The following GPC3 variants were observed in gnomAD, a reference collection of about 807,000 sequenced individuals.
The protein encoded by GPC3 is glypican 3, also known as glypican-3.
Under a neutral mutation model 34.4 loss-of-function variants are expected in GPC3, and 3 were observed. The observed-to-expected ratio is 0.09, with a 90% CI of 0.04 to 0.23. The LOEUF (loss-of-function observed/expected upper bound fraction) is 0.23. Ranked by LOEUF, GPC3 falls within the 10% of genes least tolerant of loss-of-function variation. GPC3 has a pLI of 1.00. For synonymous variants in GPC3, 177 were observed against 174.0 expected, an observed-to-expected ratio of 1.02 and a Z score of -0.13; for missense variants, 351 against 445.6, an observed-to-expected ratio of 0.79 and a Z score of 1.91.
intron 2 of GPC3, among the ~76,000 whole-genome samples, chrX:133,864,959 T>C (rs777631445): frequency 9.8e-5 from 11 of 112,676 alleles, no homozygotes; most frequent in African/African-American, 3.5e-4. Context: ...CCCTGTTCTT[T>C]CTTGCTGAAT....
At chrX:133,587,163 A>G (rs1165136976) in intron 7 of GPC3, among the ~76,000 whole-genome samples, 1 of 111,877 alleles carries the variant, frequency 8.9e-6, no homozygotes, top group Non-Finnish European at 1.9e-5. Flanking sequence ...TCATATACGA[A>G]TGAGAACATG....
At chrX:133,818,377 A>G (rs1360738902) in intron 2 of GPC3, among the ~76,000 whole-genome samples, 4 of 112,021 alleles carry the variant, frequency 3.6e-5, no homozygotes, top group Non-Finnish European at 5.6e-5. Context: ...TACGACATCC[A>G]AAAAGACTGC....
intron 2 of GPC3, among the ~76,000 whole-genome samples, chrX:133,902,677 T>C (rs184857607): frequency 3.8e-4 from 42 of 111,349 alleles, no homozygotes; most frequent in Admixed American, 7.6e-4. Context: ...GAGCCAAGAT[T>C]GCACCACTGC....
Position 133,662,057 on chromosome X carries a change from C to T in GPC3, c.1293-207G>A, listed in dbSNP as rs182954841. Among the ~76,000 whole-genome samples, 1,671 of 110,552 alleles carry T rather than the reference C, an allele frequency of 0.015. 31 individuals carry two copies. The highest frequency in any genetic ancestry group is 0.051 in the African/African-American group (1,540 of 30,389). ...CAAATATATACAACATGCTTTTTTTCCCCTAGATGTTGGGAATACAACAAT... is the reference window on the plus strand; with the variant it reads ...CAAATATATACAACATGCTTTTTTTTCCCTAGATGTTGGGAATACAACAAT... On this transcript the variant is annotated intron_variant, in intron 5 of 7. Coordinates refer to ENST00000370818, the MANE Select transcript of GPC3 (RefSeq NM_004484.4).
In GPC3 at chrX:133,982,231, C is replaced by CT. The variant is rs1483554713; in HGVS notation, c.175+3043dup. On this transcript the variant is annotated intron_variant, in intron 1 of 7. Transcript: ENST00000370818. ...ACATCTAGACTTATGAGCTCATTGG[C>CT]TTTTTTCTGAATTTTTCTAAATTAA... Among the ~76,000 whole-genome samples, 7 of 111,665 alleles carry CT rather than the reference C, an allele frequency of 6.3e-5. No individual in the cohort carries two copies. In the East Asian group the frequency reaches 1.4e-3, roughly 22 times the overall value.
intron 2 of GPC3, among the ~76,000 whole-genome samples, chrX:133,773,948 T>C (rs1206023484): frequency 8.9e-6 from 1 of 112,070 alleles, no homozygotes; most frequent in Non-Finnish European, 1.9e-5. Context: ...TATTTCTCCA[T>C]AGTTACTAGT....
chrX:133,583,422 T>C (rs1465280663), intron 7 of GPC3, among the ~76,000 whole-genome samples: 1 of 111,657 alleles, frequency 9.0e-6, no homozygotes, highest in Non-Finnish European at 1.9e-5. Flanking sequence ...TGGAATGAAG[T>C]GGTGCGATCT....
intron 2 of GPC3, among the ~76,000 whole-genome samples, chrX:133,815,835 A>T (rs2075688929): frequency 9.0e-6 from 1 of 111,667 alleles, no homozygotes; most frequent in Non-Finnish European, 1.9e-5. Context: ...AGGGAGAATT[A>T]GCTTCTGAGA....
At chrX:133,771,362 T>C (rs1473661787) in intron 2 of GPC3, among the ~76,000 whole-genome samples, 1 of 112,696 alleles carries the variant, frequency 8.9e-6, no homozygotes, top group Non-Finnish European at 1.9e-5. Flanking sequence ...TACAGTCACT[T>C]TCCCTAATGA....
At chrX:133,690,383 G>A (rs1373782205) in intron 5 of GPC3, among the ~76,000 whole-genome samples, 3 of 111,598 alleles carry the variant, frequency 2.7e-5, no homozygotes, top group African/African-American at 9.8e-5. Context: ...CAACAATCCT[G>A]TGAGATGCCC....
intron 2 of GPC3, among the ~76,000 whole-genome samples, chrX:133,893,996 T>C (rs112206505): frequency 0.085 from 9,328 of 110,301 alleles, 989 homozygotes; most frequent in African/African-American, 0.29. Context: ...GCGCCCGCCA[T>C]CAAGCCTGGC....
chrX:133,908,123 T>C (rs2076178335), intron 2 of GPC3, among the ~76,000 whole-genome samples: 1 of 111,382 alleles, frequency 9.0e-6, no homozygotes, highest in Non-Finnish European at 1.9e-5. Flanking sequence ...TAGTATCAAG[T>C]ACTATCAAAG....
At chrX:133,910,076 C>A (rs2076190457) in intron 2 of GPC3, among the ~76,000 whole-genome samples, 1 of 110,444 alleles carries the variant, frequency 9.1e-6, no homozygotes, top group Non-Finnish European at 1.9e-5. Context: ...CCAGATGGTG[C>A]CTGACCCCCT....
At position 133,937,033 on chromosome X, in the gene GPC3, AT is replaced by A. The variant is rs368033279; in HGVS notation, c.337+16016del. Among the ~76,000 whole-genome samples the A allele has an allele frequency of 2.3e-3, 239 of 105,109 alleles. 2 individuals carry two copies. In the Middle Eastern group the frequency reaches 0.039, roughly 17 times the overall value. The allele number at this position is 105,109 out of a possible 115,157, so 91.3% of individuals were successfully genotyped here. A position where few individuals can be genotyped will look rare whatever the true frequency, so the allele number is the denominator to read the frequency against. ...GCAGACAGACAGACAGACAGGTTTG[AT>A]TTTTTTTTTTTAACACTCAGACTCT... On this transcript the variant is annotated intron_variant, in intron 2 of 7. Transcript: ENST00000370818.
intron 3 of GPC3, among the ~76,000 whole-genome samples, chrX:133,712,777 TG>T (rs1250010710): frequency 3.6e-5 from 4 of 110,003 alleles, no homozygotes; most frequent in African/African-American, 1.3e-4. Context: ...CCCAGCTACT[TG>T]GGAGGCTGAG....
intron 7 of GPC3, among the ~76,000 whole-genome samples, chrX:133,564,764 G>A (rs1232056123): frequency 8.9e-6 from 1 of 111,936 alleles, no homozygotes. Context: ...ATGAAAAGGT[G>A]AACAGGGATG....
At chrX:133,848,682 T>C (rs184929203) in intron 2 of GPC3, among the ~76,000 whole-genome samples, 24 of 111,605 alleles carry the variant, frequency 2.2e-4, no homozygotes, top group African/African-American at 7.8e-4. Context: ...ATAGTCTCTA[T>C]AAGGGCCATG....
At chrX:133,696,063 C>G (rs1442361907) in intron 4 of GPC3, among the ~76,000 whole-genome samples, 1 of 111,705 alleles carries the variant, frequency 9.0e-6, no homozygotes, top group African/African-American at 3.3e-5. Flanking sequence ...ACAGGGAGAA[C>G]AAAGAGTAGA....
chrX:133,682,854 C>A (rs1338582111), intron 5 of GPC3, among the ~76,000 whole-genome samples: 1 of 109,096 alleles, frequency 9.2e-6, no homozygotes, highest in Non-Finnish European at 1.9e-5. Flanking sequence ...ATAATCCCAG[C>A]TACTTGGGAG....
Sources: allele counts gnomAD v4.1 joint callset (sites outside exome capture counted in the v4.1 genomes callset), GRCh38; gene constraint gnomAD v4.1.1; transcripts MANE v1.5; gene names NCBI Gene and HGNC (gene_info 2026-07-23, HGNC 2026-07-21).